EYS: variants seen among roughly 807,000 people sequenced by gnomAD.
EYS encodes EGF-like photoreceptor maintenance factor.
Under a neutral mutation model 282.1 loss-of-function variants are expected in EYS, and 250 were observed. The ratio of observed to expected loss-of-function variants is 0.89; its 90% CI spans 0.80 to 0.98. The LOEUF (loss-of-function observed/expected upper bound fraction) is 0.98, where lower values mean the gene tolerates loss of function less well. Among genes scored for constraint, EYS ranks in the 50% least tolerant of loss-of-function variants. The pLI, the probability that EYS is intolerant of heterozygous loss-of-function variation, is 0.00. For synonymous variants in EYS, 1,355 were observed against 1,282.9 expected, an observed-to-expected ratio of 1.06 and a Z score of -1.20; for missense variants, 4,016 against 3,709.0, an observed-to-expected ratio of 1.08 and a Z score of -2.15.
At chr6:64,470,810 A>T (rs866952323) in intron 26 of EYS, among the ~76,000 whole-genome samples, 20 of 152,160 alleles carry the variant, frequency 1.3e-4, no homozygotes, top group Non-Finnish European at 2.4e-4. Flanking sequence ...ACATAAGAAT[A>T]AAAAAAGCCA....
chr6:64,095,140 C>T (rs1772543918), intron 31 of EYS, among the ~76,000 whole-genome samples: 1 of 152,114 alleles, frequency 6.6e-6, no homozygotes, highest in African/African-American at 2.4e-5. Flanking sequence ...AATTTCTGTT[C>T]TTTTACATTT....
At chr6:65,171,978 A>G (rs950660128) in intron 12 of EYS, among the ~76,000 whole-genome samples, 2 of 151,472 alleles carry the variant, frequency 1.3e-5, no homozygotes, top group Non-Finnish European at 3.0e-5. Context: ...AAAGTAGCCA[A>G]TAGTGCCATG....
intron 41 of EYS, chr6:63,744,508 T>G (rs967021949): frequency 1.3e-5 from 2 of 152,178 alleles, no homozygotes; most frequent in Non-Finnish European, 2.9e-5. Flanking sequence ...ATAGCACTTT[T>G]AACTTTCTTC....
intron 28 of EYS, chr6:64,400,408 C>G (rs1029850080): frequency 6.6e-6 from 1 of 152,068 alleles, no homozygotes; most frequent in African/African-American, 2.4e-5. Context: ...GAGCTGGCAG[C>G]TATGTTGCAG....
intron 32 of EYS, among the ~76,000 whole-genome samples, chr6:64,076,448 C>G (rs1366332852): frequency 6.6e-6 from 1 of 151,888 alleles, no homozygotes; most frequent in Non-Finnish European, 1.5e-5. Flanking sequence ...TGTCCCTACC[C>G]AAATTTGATC....
chr6:65,045,093 C>G (rs1773061056), intron 13 of EYS, among the ~76,000 whole-genome samples: 1 of 151,754 alleles, frequency 6.6e-6, no homozygotes, highest in Admixed American at 6.6e-5. Context: ...TTTTCATGAT[C>G]TGTTTAGAGT....
chr6:63,851,880 G>A (rs573345236), intron 36 of EYS, among the ~76,000 whole-genome samples: 38 of 152,082 alleles, frequency 2.5e-4, no homozygotes, highest in East Asian at 3.9e-4. Flanking sequence ...TGAATTGGCC[G>A]GGCGCAGTGG....
chr6:65,148,729 A>G (rs11965099), intron 12 of EYS, among the ~76,000 whole-genome samples: 36,227 of 151,986 alleles, frequency 0.24, 4,525 homozygotes, highest in African/African-American at 0.28. Context: ...GTTCTCCATG[A>G]GGTCTCCACC....
intron 14 of EYS, among the ~76,000 whole-genome samples, chr6:64,983,461 C>A (rs1770749913): frequency 6.6e-6 from 1 of 151,164 alleles, no homozygotes; most frequent in African/African-American, 2.4e-5. Flanking sequence ...TGAGTCAATA[C>A]AACCAGTTTT....
rs547490090 is a variant in EYS at position 64,752,074 on chromosome 6, CCAAA to C, written c.3443+61300_3443+61303del. Among the ~76,000 whole-genome samples, 85 of 152,028 alleles carry C rather than the reference CCAAA, an allele frequency of 5.6e-4. 1 individual carries two copies. The South Asian group carries it at 5.6e-3, about 10-fold the overall frequency. The stretch of plus-strand genomic sequence containing the variant: ...ATTCTGGAACTATGAAAACAACCAA[CCAAA>C]CAAACAAACAAACAAACAAACCGTG... On this transcript the variant is annotated intron_variant, in intron 22 of 42. Transcript: ENST00000503581.
At chr6:65,090,736 C>A (rs1239042770) in intron 12 of EYS, among the ~76,000 whole-genome samples, 1 of 151,946 alleles carries the variant, frequency 6.6e-6, no homozygotes, top group Admixed American at 6.6e-5. Context: ...GCTGCTGTCC[C>A]AAAGATCCAT....
chr6:65,125,120 C>A lies in EYS; in HGVS notation c.2024-67393G>T, dbSNP rs555107041. Among the ~76,000 whole-genome samples the A allele has an allele frequency of 2.0e-5, 3 of 152,294 alleles. No homozygotes were observed. In the East Asian group the frequency reaches 5.8e-4, roughly 29 times the overall value. ...GGCAGAAAGGCCATAGTATTTCCTG[C>A]AACACATTAATCTAGACTTTAAAAT... On this transcript the variant is annotated intron_variant, in intron 12 of 42. Coordinates refer to ENST00000503581, the MANE Select transcript of EYS (RefSeq NM_001142800.2).
Position 65,333,545 on chromosome 6 carries a change from T to A in EYS, c.1766+1435A>T, listed in dbSNP as rs532492469. On this transcript the variant is annotated intron_variant, in intron 11 of 42. Coordinates refer to ENST00000503581, the MANE Select transcript of EYS (RefSeq NM_001142800.2). ...TAATGTGTTTTATAGCTATCTACTATTTCTAGATGATTTATAGTGTTGTTT... is the reference window on the plus strand; with the variant it reads ...TAATGTGTTTTATAGCTATCTACTAATTCTAGATGATTTATAGTGTTGTTT... Among the ~76,000 whole-genome samples, 12 of 151,840 alleles carry A rather than the reference T, an allele frequency of 7.9e-5. No individual in the cohort carries two copies. The South Asian group carries it at 1.9e-3, about 24-fold the overall frequency.
chr6:64,713,426 A>T (rs1771274170), intron 22 of EYS: 1 of 152,114 alleles, frequency 6.6e-6, no homozygotes, highest in Non-Finnish European at 1.5e-5. Flanking sequence ...CTTGATCTTT[A>T]AATGTCATTT....
chr6:64,437,434 TACTTA>T (rs1256345290), intron 27 of EYS, among the ~76,000 whole-genome samples: 4 of 151,742 alleles, frequency 2.6e-5, no homozygotes, highest in African/African-American at 9.7e-5. Context: ...TACTATTATT[TACTTA>T]ATTGTAATAA....
intron 19 of EYS, among the ~76,000 whole-genome samples, chr6:64,860,470 T>C (rs1035169135): frequency 2.0e-5 from 3 of 152,198 alleles, no homozygotes; most frequent in Non-Finnish European, 4.4e-5. Context: ...AGCACTGGTG[T>C]CAGCTCCCTG....
chr6:64,558,860 C>T (rs535276730), intron 26 of EYS, among the ~76,000 whole-genome samples: 2 of 152,152 alleles, frequency 1.3e-5, no homozygotes, highest in Admixed American at 6.5e-5. Flanking sequence ...TTTAACATGG[C>T]CTTGTTGCTA....
chr6:63,921,046 C>T (rs755158628), intron 35 of EYS, among the ~76,000 whole-genome samples: 1 of 152,162 alleles, frequency 6.6e-6, no homozygotes, highest in Non-Finnish European at 1.5e-5. Context: ...GCACTGGCCA[C>T]CACACCTGGC....
At position 65,696,826 on chromosome 6, in the gene EYS, T is replaced by C. The variant is rs1474073288; in HGVS notation, c.-448+10309A>G. On this transcript the variant is annotated intron_variant, in intron 1 of 42. Coordinates refer to ENST00000503581, the MANE Select transcript of EYS (RefSeq NM_001142800.2). ...CTGCTTAAATAAATTGACAAAAATA[T>C]TTCTAAAGAAAATTTAAAAATCATC... Among the ~76,000 whole-genome samples the C allele has an allele frequency of 2.0e-5, 3 of 152,108 alleles. No homozygotes were observed. The East Asian group carries it at 5.8e-4, about 29-fold the overall frequency.
Sources: gnomAD v4.1 joint callset for allele counts (sites outside exome capture counted in the v4.1 genomes callset) on GRCh38, gnomAD v4.1.1 for gene constraint, MANE v1.5 for transcripts, NCBI Gene and HGNC (gene_info 2026-07-23, HGNC 2026-07-21) for gene names.